The following TMEM108 variants were observed in gnomAD, a reference collection of about 807,000 sequenced individuals.
TMEM108 encodes the protein cancer/testis antigen 124.
TMEM108 carries 12 observed loss-of-function variants against 35.1 expected under a neutral mutation model. The observed-to-expected ratio is 0.34, with a 90% CI of 0.22 to 0.55. TMEM108 has a LOEUF of 0.55. Among genes scored for constraint, TMEM108 ranks in the 20% least tolerant of loss-of-function variants. The pLI, the probability that TMEM108 is intolerant of heterozygous loss-of-function variation, is 0.89. For synonymous variants in TMEM108, 287 were observed against 308.6 expected (o/e 0.93, Z 0.73); for missense variants, 680 against 753.3 (o/e 0.90, Z 1.14).
At chr3:133,353,552 G>A (rs1046228715) in intron 3 of TMEM108, among the ~76,000 whole-genome samples, 8 of 152,170 alleles carry the variant, frequency 5.3e-5, no homozygotes, top group Non-Finnish European at 8.8e-5. Flanking sequence ...CTTTGCCTGT[G>A]TGGTCACACG....
chr3:133,097,498 A>G (rs994711013), intron 2 of TMEM108, among the ~76,000 whole-genome samples: 1 of 152,176 alleles, frequency 6.6e-6, no homozygotes, highest in Non-Finnish European at 1.5e-5. Context: ...ACAGTTACAG[A>G]TTCTCTGCAT....
chr3:133,287,924 G>A (rs1273446299), intron 3 of TMEM108, among the ~76,000 whole-genome samples: 1 of 152,142 alleles, frequency 6.6e-6, no homozygotes, highest in African/African-American at 2.4e-5. Context: ...AAAAATCAAA[G>A]ATATACTTTA....
chr3:133,069,494 A>G (rs1943651086), intron 2 of TMEM108, among the ~76,000 whole-genome samples: 1 of 152,124 alleles, frequency 6.6e-6, no homozygotes. Flanking sequence ...GACTTATTCA[A>G]ATTAACTAGT....
At chr3:133,382,445 T>C (rs1026516369) in intron 4 of TMEM108, among the ~76,000 whole-genome samples, 4 of 152,262 alleles carry the variant, frequency 2.6e-5, no homozygotes, top group African/African-American at 9.6e-5. Flanking sequence ...GTCTTCTTTG[T>C]AGGGCTGCAT....
intron 1 of TMEM108, chr3:133,041,646 G>A (rs987430115): frequency 1.3e-5 from 2 of 152,246 alleles, no homozygotes; most frequent in Non-Finnish European, 2.9e-5. Flanking sequence ...GTTTCTGAAG[G>A]GAGAAGGCAG....
At chr3:133,138,808 G>C (rs1384492163) in intron 2 of TMEM108, among the ~76,000 whole-genome samples, 1 of 151,756 alleles carries the variant, frequency 6.6e-6, no homozygotes, top group Non-Finnish European at 1.5e-5. Flanking sequence ...TACATGTGTA[G>C]AATGTGCAGG....
At chr3:133,142,728 C>T (rs957610701) in intron 2 of TMEM108, among the ~76,000 whole-genome samples, 10 of 152,290 alleles carry the variant, frequency 6.6e-5, no homozygotes, top group Middle Eastern at 3.4e-3. Flanking sequence ...ACAATCTGTG[C>T]CCCCTCATTA....
intron 2 of TMEM108, among the ~76,000 whole-genome samples, chr3:133,196,547 G>A (rs926359974): frequency 5.3e-5 from 8 of 152,182 alleles, no homozygotes; most frequent in African/African-American, 1.9e-4. Flanking sequence ...TGATGTGACA[G>A]TTTTCTTCTG....
At chr3:133,327,801 A>C (rs1286325217) in intron 3 of TMEM108, among the ~76,000 whole-genome samples, 3 of 152,096 alleles carry the variant, frequency 2.0e-5, no homozygotes, top group Admixed American at 1.3e-4. Flanking sequence ...TGTCAGGACA[A>C]GCAAAGACAA....
intron 3 of TMEM108, chr3:133,246,258 T>C (rs1445761491): frequency 1.3e-5 from 2 of 152,172 alleles, no homozygotes; most frequent in Non-Finnish European, 2.9e-5. Flanking sequence ...ACCAAACTAT[T>C]AGTTTTGAAG....
chr3:133,320,429 A>G (rs1271614866), intron 3 of TMEM108, among the ~76,000 whole-genome samples: 2 of 152,134 alleles, frequency 1.3e-5, no homozygotes, highest in African/African-American at 4.8e-5. Flanking sequence ...AGTAGAAGAA[A>G]GAACTTCAGA....
chr3:133,209,833 C>A (rs777746820), intron 2 of TMEM108, among the ~76,000 whole-genome samples: 6 of 152,090 alleles, frequency 3.9e-5, no homozygotes, highest in Non-Finnish European at 5.9e-5. Context: ...TCATGCCAAG[C>A]TCATAGTCTG....
chr3:133,383,745 C>A (rs1559944963), intron 4 of TMEM108, among the ~76,000 whole-genome samples: 1 of 152,186 alleles, frequency 6.6e-6, no homozygotes, highest in Non-Finnish European at 1.5e-5. Context: ...CTGAAAGGAG[C>A]CTTCAGGTGC....
intron 3 of TMEM108, among the ~76,000 whole-genome samples, chr3:133,333,277 A>G (rs1480335042): frequency 6.6e-6 from 1 of 151,722 alleles, no homozygotes; most frequent in Non-Finnish European, 1.5e-5. Flanking sequence ...TTCTGAAATT[A>G]CTCTCCAAAA....
intron 2 of TMEM108, among the ~76,000 whole-genome samples, chr3:133,213,533 C>T (rs1037165713): frequency 1.3e-5 from 2 of 152,140 alleles, no homozygotes; most frequent in African/African-American, 4.8e-5. Flanking sequence ...TATAAAACTG[C>T]TATTGAGGAT....
In TMEM108 at chr3:133,258,443, A is replaced by T. The variant is rs1405999205; in HGVS notation, c.40+29092A>T. 2.0e-5 allele frequency among the ~76,000 whole-genome samples: 3 copies of T among 152,248 alleles called. No homozygotes were observed. The East Asian group carries it at 5.8e-4, about 29-fold the overall frequency. ...TGGTGGGCCCAGGCTGAAAGGAGCC[A>T]GCTGCCCACACCACCTCGCTTTTGA... On this transcript the variant is annotated intron_variant, in intron 3 of 5. Coordinates refer to ENST00000321871, the MANE Select transcript of TMEM108 (RefSeq NM_023943.4).
In TMEM108 at chr3:133,379,730, TTC is replaced by T; in HGVS notation, c.41-16_41-15del. 2.5e-6 allele frequency: 4 copies of T among 1,605,980 alleles called. No homozygotes were observed. The highest frequency in any genetic ancestry group is 3.4e-6 in the Non-Finnish European group (4 of 1,175,506). ...TGCTGCTCCCCAAGTATTTTACCTC[TTC>T]TCTCTGTCTCCTTTTCAAGGTTTCC... On this transcript the variant is annotated intron_variant, in intron 3 of 5. Coordinates refer to ENST00000321871, the MANE Select transcript of TMEM108 (RefSeq NM_023943.4).
intron 3 of TMEM108, among the ~76,000 whole-genome samples, chr3:133,278,033 A>G (rs1187105935): frequency 6.6e-6 from 1 of 152,230 alleles, no homozygotes; most frequent in Non-Finnish European, 1.5e-5. Context: ...GAACAAAACT[A>G]CGGCAAGCCT....
intron 2 of TMEM108, among the ~76,000 whole-genome samples, chr3:133,220,081 G>A (rs1273826736): frequency 8.4e-6 from 1 of 118,724 alleles, no homozygotes; most frequent in African/African-American, 2.9e-5. Flanking sequence ...TTGTTTCTTC[G>A]GTTTTTTTTT....
Sources: allele counts gnomAD v4.1 joint callset (sites outside exome capture counted in the v4.1 genomes callset), GRCh38; gene constraint gnomAD v4.1.1; transcripts MANE v1.5; gene names NCBI Gene and HGNC (gene_info 2026-07-23, HGNC 2026-07-21).